BCO1: variants seen among roughly 807,000 people sequenced by gnomAD.
BCO1 encodes the protein beta-carotene oxygenase 1, also known as beta,beta-carotene 15,15'-dioxygenase.
BCO1 carries 54 observed loss-of-function variants against 56.3 expected under a neutral mutation model. That is an observed-to-expected ratio of 0.96 (90% confidence interval 0.77 to 1.20). The LOEUF is 1.20. BCO1 is among the 50% of genes most tolerant of loss of function. The pLI is 0.00. For missense variants in BCO1, 801 were observed against 690.9 expected (o/e 1.16, Z -1.79); for synonymous variants, 318 against 266.1 (o/e 1.20, Z -1.90).
chr16:81,289,430 C>G (rs1001281545), intron 10 of BCO1, among the ~76,000 whole-genome samples: 1 of 152,016 alleles, frequency 6.6e-6, no homozygotes, highest in Non-Finnish European at 1.5e-5. Context: ...TCGCTTGAGC[C>G]CAGGAGTCCA....
rs373571833 is a variant in BCO1, at chr16:81,268,009, G to C, written c.721G>C (p.Val241Leu). The C allele has an allele frequency of 6.2e-7, 1 of 1,613,934 alleles. No individual in the cohort carries two copies. Among genetic ancestry groups the C allele is most frequent in the Non-Finnish European group, 8.5e-7 (1 of 1,180,010 alleles). Residue 241 changes from valine (V) to leucine (L), a missense_variant, in exon 6 of 11, where the codon GTC (valine) becomes CTC (leucine). Transcript: ENST00000258168. ...LSPSYYHSFG[V>L]TENYVIFLEQ... ...CCCAAGCTACTACCACAGCTTTGGA[G>C]TCACCGAGAACTATGTCATCTTCCT... is the stretch of plus-strand genomic sequence containing the variant.
chr16:81,277,588 A>T (rs1907633953), intron 7 of BCO1, among the ~76,000 whole-genome samples: 1 of 152,214 alleles, frequency 6.6e-6, no homozygotes, highest in South Asian at 2.1e-4. Flanking sequence ...ACAGTGGAGG[A>T]AACTAGCTCT....
At chr16:81,277,354 G>T (rs1408018201) in intron 7 of BCO1, among the ~76,000 whole-genome samples, 1 of 152,178 alleles carries the variant, frequency 6.6e-6, no homozygotes, top group Non-Finnish European at 1.5e-5. Flanking sequence ...CACGTCTACA[G>T]ATGAGAAAGT....
intron 6 of BCO1, among the ~76,000 whole-genome samples, chr16:81,268,743 G>A (rs1212188418): frequency 6.6e-6 from 1 of 152,154 alleles, no homozygotes; most frequent in African/African-American, 2.4e-5. Flanking sequence ...GTGTATGTAT[G>A]TATTACTAGT....
rs184349688 is a variant in BCO1, at chr16:81,290,015, C to G, written c.1415-333C>G. Among the ~76,000 whole-genome samples the G allele has an allele frequency of 4.2e-3, 638 of 152,332 alleles. 3 individuals carry two copies. Among genetic ancestry groups the G allele is most frequent in the African/African-American group, 0.015 (616 of 41,570 alleles). ...AGTAGCTGAGATTACAAGCACCCAC[C>G]ACCACACCCAGCTAATTTTTGTATT... On this transcript the variant is annotated intron_variant, in intron 10 of 10. Coordinates refer to ENST00000258168, the MANE Select transcript of BCO1 (RefSeq NM_017429.3).
chr16:81,287,246 T>A (rs918646861), intron 9 of BCO1, 49 bp from the exon 10 acceptor site: 2 of 1,350,176 alleles, frequency 1.5e-6, no homozygotes, highest in Non-Finnish European at 2.1e-6. Flanking sequence ...CAGAGAATAG[T>A]ATTCTCTCAA....
chr16:81,245,847 G>GTTTT (rs1905375192), intron 2 of BCO1, among the ~76,000 whole-genome samples: 1 of 103,038 alleles, frequency 9.7e-6, no homozygotes, highest in Non-Finnish European at 1.9e-5. Context: ...CTCCATCTCT[G>GTTTT]TCTTTTTTTT....
intron 6 of BCO1, among the ~76,000 whole-genome samples, chr16:81,269,743 C>T (rs1907067668): frequency 1.3e-5 from 2 of 152,190 alleles, no homozygotes; most frequent in African/African-American, 2.4e-5. Context: ...GCTGGGATTA[C>T]AGCATGAGCC....
intron 1 of BCO1, among the ~76,000 whole-genome samples, chr16:81,243,029 A>T (rs1286453263): frequency 6.6e-6 from 1 of 152,078 alleles, no homozygotes; most frequent in African/African-American, 2.4e-5. Context: ...TCTATATGGA[A>T]TCCAGAACAG....
intron 10 of BCO1, 58 bp downstream of exon 10, chr16:81,287,464 C>A: frequency 7.3e-7 from 1 of 1,364,760 alleles, no homozygotes; most frequent in Non-Finnish European, 1.0e-6. Flanking sequence ...CGCCCTCCAA[C>A]AGAGACACCA....
intron 2 of BCO1, among the ~76,000 whole-genome samples, chr16:81,256,369 C>T (rs1283917246): frequency 6.6e-6 from 1 of 152,122 alleles, no homozygotes; most frequent in African/African-American, 2.4e-5. Flanking sequence ...ATGGGCGTTT[C>T]TGAGGTCAAC....
intron 2 of BCO1, among the ~76,000 whole-genome samples, chr16:81,252,454 C>A (rs913897036): frequency 3.3e-5 from 5 of 152,090 alleles, no homozygotes; most frequent in Non-Finnish European, 5.9e-5. Flanking sequence ...CGGGGTTTCA[C>A]CATGTTGGTC....
intron 1 of BCO1, among the ~76,000 whole-genome samples, chr16:81,243,906 G>A (rs758018763): frequency 1.3e-5 from 2 of 152,266 alleles, no homozygotes; most frequent in Non-Finnish European, 1.5e-5. Context: ...ATGGGGCATT[G>A]TCGAGCCATT....
At position 81,262,253 on chromosome 16, in the gene BCO1, C is replaced by T. The variant is rs776764772; in HGVS notation, c.441C>T (p.Ile147=). 32 of 1,613,552 alleles carry T rather than the reference C, an allele frequency of 2.0e-5. No homozygotes were observed. Among genetic ancestry groups the T allele is most frequent in the Non-Finnish European group, 2.7e-5 (32 of 1,179,692 alleles). ...CAGAGACCAATTACATCAGGAAAAT[C>T]AACCCACAGACTCTGGAAACCCTGG... ...ATSETNYIRK[I]NPQTLETLEK... is the part of the protein sequence containing the mutation. The change falls in exon 4 of 11, where the codon ATC becomes ATT. Residue 147 remains isoleucine, a synonymous_variant. Transcript: ENST00000258168.
chr16:81,259,940 G>T (rs1906382329), intron 3 of BCO1, 135 bp downstream of exon 3: 2 of 1,106,968 alleles, frequency 1.8e-6, no homozygotes, highest in Non-Finnish European at 2.7e-6. Flanking sequence ...TTTAACCAGA[G>T]GTGCTACACA....
chr16:81,268,149 T>G lies in BCO1; in HGVS notation c.843+18T>G. On this transcript the variant is annotated intron_variant, in intron 6 of 10. Transcript: ENST00000258168. ...AGGAGAAGGTGAGGTCTGGCTGGACTCTAGCCCAGTGGGTGCTGGCTGACC... is the reference window on the plus strand; with the variant it reads ...AGGAGAAGGTGAGGTCTGGCTGGACGCTAGCCCAGTGGGTGCTGGCTGACC... The G allele has an allele frequency of 6.3e-7, 1 of 1,598,864 alleles. No homozygotes were observed.
In BCO1 at chr16:81,287,386, G is replaced by A; in HGVS notation, c.1394G>A (p.Gly465Asp). 6.2e-7 allele frequency: 1 copy of A among 1,613,980 alleles called. No homozygotes were observed. ...GAACCCCTGTTTGTGCCCGCGCCAG[G>A]TGCCAAGGATGAGGATGACGGTAAG... The part of the protein sequence containing the change: ...PAEPLFVPAP[G>D]AKDEDDGVIL... Residue 465 changes from glycine (G) to aspartate (D), a missense_variant, in exon 10 of 11, where the codon GGT becomes GAT. Coordinates refer to ENST00000258168, the MANE Select transcript of BCO1 (RefSeq NM_017429.3).
chr16:81,264,135 C>T (rs1443760905), intron 4 of BCO1: 3 of 183,886 alleles, frequency 1.6e-5, no homozygotes, highest in African/African-American at 7.1e-5. Context: ...CCTCTCCATT[C>T]CCAGAATAAT....
intron 8 of BCO1, among the ~76,000 whole-genome samples, chr16:81,284,086 G>A (rs1398988549): frequency 6.6e-6 from 1 of 151,526 alleles, no homozygotes; most frequent in East Asian, 1.9e-4. Context: ...CTAGCTACTT[G>A]GGAGGCTGAA....
Sources: gnomAD v4.1 joint callset for allele counts (sites outside exome capture counted in the v4.1 genomes callset) on GRCh38, gnomAD v4.1.1 for gene constraint, MANE v1.5 for transcripts, NCBI Gene and HGNC (gene_info 2026-07-23, HGNC 2026-07-21) for gene names.